GMPR: variants seen among roughly 807,000 people sequenced by gnomAD.
GMPR encodes the protein guanosine monophosphate reductase.
GMPR carries 31 observed loss-of-function variants against 38.4 expected under a neutral mutation model. The observed-to-expected ratio is 0.81, with a 90% CI of 0.61 to 1.09. GMPR has a LOEUF of 1.09. Among genes scored for constraint, GMPR ranks in the 50% least tolerant of loss-of-function variants. The pLI is 0.00. For missense variants in GMPR, 468 were observed against 453.7 expected, an observed-to-expected ratio of 1.03 and a Z score of -0.29; for synonymous variants, 162 against 173.3, an observed-to-expected ratio of 0.93 and a Z score of 0.51.
intron 4 of GMPR, among the ~76,000 whole-genome samples, chr6:16,258,677 G>T (rs953397703): frequency 2.6e-5 from 4 of 152,240 alleles, no homozygotes; most frequent in Admixed American, 6.5e-5. Context: ...GCTGTTCTGT[G>T]CCTGCATTGA....
At chr6:16,276,045 T>C (rs564467534) in intron 5 of GMPR, among the ~76,000 whole-genome samples, 3 of 151,984 alleles carry the variant, frequency 2.0e-5, no homozygotes, top group Admixed American at 1.3e-4. Context: ...ACTCCAGTCT[T>C]GGTGATAGAG....
intron 5 of GMPR, among the ~76,000 whole-genome samples, chr6:16,275,837 C>T (rs368511265): frequency 6.6e-6 from 1 of 152,098 alleles, no homozygotes; most frequent in South Asian, 2.1e-4. Flanking sequence ...GTGGGTGGAT[C>T]GCTTGAGCCC....
intron 8 of GMPR, among the ~76,000 whole-genome samples, chr6:16,293,884 TAGATG>T (rs1166192246): frequency 1.3e-5 from 2 of 152,250 alleles, no homozygotes; most frequent in African/African-American, 2.4e-5. Flanking sequence ...GCATGGCCCT[TAGATG>T]AGAGCTAGAG....
chr6:16,244,274 A>G (rs1758714310), intron 1 of GMPR, among the ~76,000 whole-genome samples: 2 of 148,086 alleles, frequency 1.4e-5, no homozygotes, highest in African/African-American at 5.0e-5. Flanking sequence ...ATGCAGTAGC[A>G]TGATCATGGC....
rs539948030 is a variant in GMPR at position 16,293,156 on chromosome 6, C to T, written c.858-1850C>T. ...TCTTTCCCAATCATTATTTCATTCTCACGCTGTGCCCGGGAGGCAAAGTAC... is the reference window on the plus strand; with the variant it reads ...TCTTTCCCAATCATTATTTCATTCTTACGCTGTGCCCGGGAGGCAAAGTAC... On this transcript the variant is annotated intron_variant, in intron 8 of 8. Coordinates refer to ENST00000259727, the MANE Select transcript of GMPR (RefSeq NM_006877.4). Among the ~76,000 whole-genome samples, 3 of 152,276 alleles carry T rather than the reference C, an allele frequency of 2.0e-5. No homozygotes were observed. The South Asian group carries it at 6.2e-4, about 32-fold the overall frequency.
intron 1 of GMPR, among the ~76,000 whole-genome samples, chr6:16,239,658 G>A (rs1758608422): frequency 6.6e-6 from 1 of 152,248 alleles, no homozygotes; most frequent in Non-Finnish European, 1.5e-5. Flanking sequence ...AACACGAGGA[G>A]GCTGGGCCAA....
intron 1 of GMPR, among the ~76,000 whole-genome samples, chr6:16,241,023 A>G (rs1427684440): frequency 6.6e-6 from 1 of 151,884 alleles, no homozygotes; most frequent in South Asian, 2.1e-4. Flanking sequence ...ATCCCCTCTC[A>G]ATGTTTTCTC....
intron 5 of GMPR, 27 bp from the exon 6 acceptor site, chr6:16,278,757 T>C (rs746143009): frequency 1.4e-6 from 2 of 1,480,394 alleles, no homozygotes; most frequent in Non-Finnish European, 1.9e-6. Context: ...AACCATCTAT[T>C]TGGGGACAAC....
intron 1 of GMPR, among the ~76,000 whole-genome samples, chr6:16,243,497 T>TA (rs1758692442): frequency 6.6e-6 from 1 of 152,184 alleles, no homozygotes; most frequent in Admixed American, 6.5e-5. Flanking sequence ...ACAGTATTCT[T>TA]ACCTTTTAGC....
At chr6:16,267,223 T>G (rs1759269218) in intron 4 of GMPR, among the ~76,000 whole-genome samples, 1 of 151,804 alleles carries the variant, frequency 6.6e-6, no homozygotes, top group South Asian at 2.1e-4. Context: ...AAAGAAAAAA[T>G]TAGTCGGGTG....
chr6:16,270,038 C>T (rs1759351083), intron 4 of GMPR, among the ~76,000 whole-genome samples: 2 of 152,342 alleles, frequency 1.3e-5, no homozygotes, highest in Admixed American at 1.3e-4. Flanking sequence ...CCCAAATCCC[C>T]ACCTGCTAAT....
chr6:16,262,415 A>G (rs962957722), intron 4 of GMPR: 1 of 152,012 alleles, frequency 6.6e-6, no homozygotes, highest in African/African-American at 2.4e-5. Context: ...CCTGGGCTGC[A>G]GGCATTCCTT....
At chr6:16,265,831 T>C (rs1401178791) in intron 4 of GMPR, among the ~76,000 whole-genome samples, 1 of 152,138 alleles carries the variant, frequency 6.6e-6, no homozygotes, top group Non-Finnish European at 1.5e-5. Context: ...GCCATGGAGG[T>C]TTTCTTCGTT....
intron 4 of GMPR, among the ~76,000 whole-genome samples, chr6:16,266,092 AGAG>A (rs1759204643): frequency 1.3e-5 from 1 of 77,816 alleles, no homozygotes; most frequent in Admixed American, 1.2e-4. Context: ...GCTACCTTTA[AGAG>A]CTGTAACACT....
intron 4 of GMPR, among the ~76,000 whole-genome samples, chr6:16,261,179 A>T (rs2113680255): frequency 6.6e-6 from 1 of 152,132 alleles, no homozygotes; most frequent in Non-Finnish European, 1.5e-5. Context: ...TTCTGACTGC[A>T]CTAACCATGC....
intron 4 of GMPR, chr6:16,264,329 G>A (rs1301140566): frequency 4.3e-6 from 1 of 234,696 alleles, no homozygotes; most frequent in Non-Finnish European, 8.2e-6. Context: ...AGAGTAAAAA[G>A]AGGCCGCTTA....
chr6:16,255,151 A>C (rs1182752034), intron 4 of GMPR, among the ~76,000 whole-genome samples: 1 of 151,884 alleles, frequency 6.6e-6, no homozygotes, highest in African/African-American at 2.4e-5. Flanking sequence ...AGCTGGGATT[A>C]CAGGCGCCCA....
intron 7 of GMPR, chr6:16,289,904 CTG>C (rs1218236392): frequency 1.8e-5 from 2 of 110,362 alleles, no homozygotes; most frequent in African/African-American, 3.8e-5. Flanking sequence ...GAGTCTCCCT[CTG>C]TTGCCCAGGT....
At chr6:16,272,080 C>T (rs1313723065) in intron 4 of GMPR, among the ~76,000 whole-genome samples, 5 of 152,038 alleles carry the variant, frequency 3.3e-5, no homozygotes, top group East Asian at 1.9e-4. Flanking sequence ...GCAGTGGGGG[C>T]GTGTGCCTGT....
Sources: gnomAD v4.1 joint callset for allele counts (sites outside exome capture counted in the v4.1 genomes callset) on GRCh38, gnomAD v4.1.1 for gene constraint, MANE v1.5 for transcripts, NCBI Gene and HGNC (gene_info 2026-07-23, HGNC 2026-07-21) for gene names.